ARSK: variants seen among roughly 807,000 people sequenced by gnomAD.
ARSK encodes arylsulfatase K.
Under a neutral mutation model 53.2 loss-of-function variants are expected in ARSK, and 37 were observed. The observed-to-expected ratio is 0.70, with a 90% CI of 0.54 to 0.92. The LOEUF (loss-of-function observed/expected upper bound fraction) is 0.92, where lower values mean the gene tolerates loss of function less well. Ranked by LOEUF, ARSK falls within the 40% of genes least tolerant of loss-of-function variation. The probability of loss-of-function intolerance (pLI) is 0.00; values close to 1 mark genes in which losing one functional copy is unlikely to be tolerated. For missense variants in ARSK, 613 were observed against 643.0 expected, an observed-to-expected ratio of 0.95 and a Z score of 0.51; for synonymous variants, 208 against 223.2, an observed-to-expected ratio of 0.93 and a Z score of 0.61.
chr5:95,565,884 G>A (rs1748717189), intron 1 of ARSK, 114 bp from the exon 2 acceptor site: 7 of 1,004,154 alleles, frequency 7.0e-6, no homozygotes, highest in Non-Finnish European at 8.5e-6. Flanking sequence ...TTTATCTTTG[G>A]AGGATTCTTA....
At chr5:95,592,822 C>T (rs1749242324) in intron 6 of ARSK, among the ~76,000 whole-genome samples, 1 of 152,210 alleles carries the variant, frequency 6.6e-6, no homozygotes, top group South Asian at 2.1e-4. Context: ...GCTGGGATTA[C>T]AGGCGTGAGC....
chr5:95,601,754 T>G (rs1580234002), intron 7 of ARSK, among the ~76,000 whole-genome samples: 1 of 152,344 alleles, frequency 6.6e-6, no homozygotes, highest in Admixed American at 6.5e-5. Context: ...TCCTTCCCAG[T>G]TACAAATAGC....
chr5:95,571,535 A>G (rs975871518), intron 3 of ARSK, among the ~76,000 whole-genome samples: 1 of 152,240 alleles, frequency 6.6e-6, no homozygotes, highest in African/African-American at 2.4e-5. Flanking sequence ...AATAGAGGAT[A>G]TCCTGTTTTT....
intron 6 of ARSK, among the ~76,000 whole-genome samples, chr5:95,597,644 A>T (rs535939380): frequency 6.6e-6 from 1 of 152,344 alleles, no homozygotes; most frequent in South Asian, 2.1e-4. Context: ...CTGTAATCCC[A>T]GCACTTTGGG....
At position 95,586,725 on chromosome 5, in the gene ARSK, C is replaced by A. The variant is rs761729151; in HGVS notation, c.863C>A (p.Ala288Asp). Reference protein sequence around the residue: ...FYYAMCAETDAMLGEIILALH... With the variant: ...FYYAMCAETDDMLGEIILALH... ...TATGCTATGTGTGCTGAGACAGATG[C>A]CATGCTTGGTAGGTGGTATAATTAA... is the stretch of plus-strand genomic sequence containing the variant. Residue 288 changes from alanine to aspartate, a missense_variant, in exon 5 of 8, where the codon GCC (alanine) becomes GAC (aspartate). By Grantham distance (126) the Ala-to-Asp change is moderately radical. Coordinates refer to ENST00000380009, the MANE Select transcript of ARSK (RefSeq NM_198150.3). The A allele has an allele frequency of 1.1e-5, 18 of 1,589,502 alleles. 1 individual carries two copies. In the South Asian group the frequency reaches 2.1e-4, roughly 19 times the overall value.
intron 6 of ARSK, among the ~76,000 whole-genome samples, chr5:95,592,043 T>C (rs1202679453): frequency 6.6e-6 from 1 of 152,256 alleles, no homozygotes; most frequent in Admixed American, 6.5e-5. Flanking sequence ...TAGATAGTTC[T>C]GTACTATTTG....
chr5:95,559,938 GA>G (rs1748597688), intron 1 of ARSK, among the ~76,000 whole-genome samples: 1 of 152,146 alleles, frequency 6.6e-6, no homozygotes, highest in South Asian at 2.1e-4. Context: ...TTGTATGTAG[GA>G]TTCTACGGCT....
chr5:95,573,622 A>C (rs1748871050), intron 3 of ARSK, among the ~76,000 whole-genome samples: 1 of 152,206 alleles, frequency 6.6e-6, no homozygotes, highest in South Asian at 2.1e-4. Flanking sequence ...GTCTTGTTGA[A>C]AATCTAAAAT....
chr5:95,596,879 A>T, intron 6 of ARSK, among the ~76,000 whole-genome samples: 1 of 152,132 alleles, frequency 6.6e-6, no homozygotes, highest in East Asian at 1.9e-4. Context: ...AAAATATTTT[A>T]TGATAAAATA....
At chr5:95,582,787 A>T in intron 3 of ARSK, 129 bp from the exon 4 acceptor site, 1 of 875,462 alleles carries the variant, frequency 1.1e-6, no homozygotes, top group Non-Finnish European at 1.7e-6. Flanking sequence ...GATCTAATAT[A>T]GTTATTCTGA....
rs746068393 is a variant in ARSK, at chr5:95,601,028, T to C, written c.1278T>C (p.Tyr426=). 1.9e-6 allele frequency: 3 copies of C among 1,614,068 alleles called. No individual in the cohort carries two copies. The highest frequency in any genetic ancestry group is 1.7e-6 in the Non-Finnish European group (2 of 1,179,908). ...TGCTTCGAACTAACCACTGGAAATA[T>C]ATAGCCTATTCGGATGGTGCATCAA... ...TYMLRTNHWK[Y]IAYSDGASIL... Residue 426 remains tyrosine (Y), a synonymous_variant, in exon 7 of 8, where the codon TAT becomes TAC. Coordinates refer to ENST00000380009, the MANE Select transcript of ARSK (RefSeq NM_198150.3).
intron 1 of ARSK, chr5:95,556,058 A>T: frequency 1.7e-6 from 1 of 597,788 alleles, no homozygotes; most frequent in Non-Finnish European, 3.0e-6. Flanking sequence ...TCCATGTTTT[A>T]AAAAGTGCTG....
At chr5:95,564,175 A>C (rs1383625255) in intron 1 of ARSK, among the ~76,000 whole-genome samples, 2 of 151,894 alleles carry the variant, frequency 1.3e-5, no homozygotes, top group Non-Finnish European at 2.9e-5. Context: ...ACAAGGTTTC[A>C]CCATGTTGGC....
intron 4 of ARSK, among the ~76,000 whole-genome samples, chr5:95,586,204 G>A (rs899584626): frequency 6.6e-6 from 1 of 152,056 alleles, no homozygotes; most frequent in African/African-American, 2.4e-5. Flanking sequence ...CGTATTCTGA[G>A]GTTGTTGATT....
At chr5:95,581,726 T>G (rs925240075) in intron 3 of ARSK, among the ~76,000 whole-genome samples, 1 of 151,316 alleles carries the variant, frequency 6.6e-6, no homozygotes, top group South Asian at 2.1e-4. Flanking sequence ...TAGTCACATA[T>G]AGTAAGAGTT....
intron 5 of ARSK, among the ~76,000 whole-genome samples, chr5:95,588,522 T>A (rs1332018948): frequency 6.6e-6 from 1 of 151,186 alleles, no homozygotes; most frequent in Admixed American, 6.6e-5. Flanking sequence ...GCGACTGGCC[T>A]GTAAATTTTT....
chr5:95,584,066 C>A (rs538620059), intron 4 of ARSK, among the ~76,000 whole-genome samples: 1 of 152,310 alleles, frequency 6.6e-6, no homozygotes, highest in South Asian at 2.1e-4. Context: ...TCTTCTATAA[C>A]TTCATTTACA....
chr5:95,559,594 T>G (rs1018456033), intron 1 of ARSK, among the ~76,000 whole-genome samples: 3 of 152,200 alleles, frequency 2.0e-5, no homozygotes, highest in African/African-American at 7.2e-5. Context: ...ATACATCATG[T>G]TGACTGAATA....
intron 6 of ARSK, among the ~76,000 whole-genome samples, chr5:95,591,850 G>A (rs1374216820): frequency 6.6e-6 from 1 of 152,202 alleles, no homozygotes; most frequent in South Asian, 2.1e-4. Context: ...TCCCTCAAAA[G>A]ATTTGTATTC....
Sources: allele counts gnomAD v4.1 joint callset (sites outside exome capture counted in the v4.1 genomes callset), GRCh38; gene constraint gnomAD v4.1.1; transcripts MANE v1.5; gene names NCBI Gene and HGNC (gene_info 2026-07-23, HGNC 2026-07-21).